Variants in STIM1 observed in about 807,000 individuals in gnomAD.
STIM1 encodes the protein stromal interaction molecule 1.
In STIM1, 25 loss-of-function variants were observed where a neutral mutation model predicts 74.7. The ratio of observed to expected loss-of-function variants is 0.33; its 90% CI spans 0.24 to 0.47. STIM1 has a LOEUF of 0.47. Among genes scored for constraint, STIM1 ranks in the 20% least tolerant of loss-of-function variants. The pLI is 1.00. For missense variants in STIM1, 728 were observed against 920.8 expected (o/e 0.79, Z 2.71); for synonymous variants, 328 against 348.8 (o/e 0.94, Z 0.66).
chr11:4,066,153 C>G (rs1442544010), intron 5 of STIM1, among the ~76,000 whole-genome samples: 1 of 152,186 alleles, frequency 6.6e-6, no homozygotes, highest in Non-Finnish European at 1.5e-5. Context: ...CTGCCATCCT[C>G]TGGTTCCCCC....
chr11:4,006,757 G>T (rs1429857646), intron 2 of STIM1, among the ~76,000 whole-genome samples: 1 of 152,128 alleles, frequency 6.6e-6, no homozygotes, highest in South Asian at 2.1e-4. Flanking sequence ...CTAATGTAGG[G>T]TTCTAAATAT....
chr11:4,001,727 C>T (rs2093719512), intron 2 of STIM1, among the ~76,000 whole-genome samples: 1 of 151,312 alleles, frequency 6.6e-6, no homozygotes, highest in South Asian at 2.1e-4. Flanking sequence ...ATCAAATTCA[C>T]ACATAACAAT....
Position 4,082,205 on chromosome 11 carries a change from G to A in STIM1, c.991G>A (p.Ala331Thr). The change falls in exon 8 of 13, where the codon GCA (alanine) becomes ACA (threonine). Residue 331 changes from alanine to threonine, a missense_variant. Coordinates refer to ENST00000526596, the MANE Select transcript of STIM1 (RefSeq NM_001382567.1). The stretch of plus-strand genomic sequence containing the variant: ...CTAGGTTCGGGAGGCCTTGAGGAAA[G>A]CAGAGAAGGAGCTAGAATCTCACAG... ...LEQVREALRK[A>T]EKELESHSSW... 6.2e-7 allele frequency: 1 copy of A among 1,614,104 alleles called. No homozygotes were observed. The highest frequency in any genetic ancestry group is 8.5e-7 in the Non-Finnish European group (1 of 1,180,038).
chr11:3,899,105 G>C (rs2092274303), intron 1 of STIM1, among the ~76,000 whole-genome samples: 1 of 152,152 alleles, frequency 6.6e-6, no homozygotes, highest in Non-Finnish European at 1.5e-5. Context: ...ATTACCTTGG[G>C]CAGCATGGCC....
chr11:3,937,539 A>C (rs2092949871), intron 1 of STIM1, among the ~76,000 whole-genome samples: 1 of 152,158 alleles, frequency 6.6e-6, no homozygotes, highest in African/African-American at 2.4e-5. Context: ...ATGGCTTTTA[A>C]AAATGGATCT....
chr11:4,031,591 A>T (rs1342861113), intron 3 of STIM1, among the ~76,000 whole-genome samples: 1 of 152,192 alleles, frequency 6.6e-6, no homozygotes, highest in African/African-American at 2.4e-5. Flanking sequence ...CTGATAGTAT[A>T]ATGATCGTGG....
At chr11:3,943,069 G>A (rs1001549783) in intron 1 of STIM1, among the ~76,000 whole-genome samples, 3 of 152,202 alleles carry the variant, frequency 2.0e-5, no homozygotes, top group Admixed American at 2.0e-4. Context: ...TCTGCTAGGA[G>A]CCTGGGACCC....
intron 1 of STIM1, among the ~76,000 whole-genome samples, chr11:3,938,567 G>T (rs1360033710): frequency 2.0e-5 from 3 of 152,098 alleles, no homozygotes; most frequent in Non-Finnish European, 1.5e-5. Context: ...ACAGTTTAAG[G>T]CTGGGCACAT....
intron 1 of STIM1, among the ~76,000 whole-genome samples, chr11:3,871,004 C>G (rs941532543): frequency 2.6e-5 from 4 of 151,462 alleles, no homozygotes; most frequent in African/African-American, 9.7e-5. Flanking sequence ...TCCCAAGTAG[C>G]TGGGATTACA....
rs55792544 is a variant in STIM1 at position 3,875,725 on chromosome 11, C to CA, written c.139+19329dup. 6.4e-3 allele frequency among the ~76,000 whole-genome samples: 881 copies of CA among 137,368 alleles called. 3 individuals carry two copies. The highest frequency in any genetic ancestry group is 0.015 in the Middle Eastern group (4 of 268). 90.1% of individuals were successfully genotyped at this position (137,368 alleles called of 152,430 possible). A position where few individuals can be genotyped will look rare whatever the true frequency, so the allele number is the denominator to read the frequency against. On this transcript the variant is annotated intron_variant, in intron 1 of 12. Transcript: ENST00000526596. ...TGGGTGACAAAGTGAGACCCTGTCTCAAAAAAAAAAAAACCCCTAAAAACA... is the reference window on the plus strand; with the variant it reads ...TGGGTGACAAAGTGAGACCCTGTCTCAAAAAAAAAAAAAACCCCTAAAAACA...
intron 2 of STIM1, among the ~76,000 whole-genome samples, chr11:3,968,764 C>A (rs139995741): frequency 6.8e-4 from 104 of 152,286 alleles, no homozygotes; most frequent in African/African-American, 2.4e-3. Flanking sequence ...AGAAGTAAAT[C>A]AATCAGACTT....
rs1476169743 is a variant in STIM1 at position 4,002,801 on chromosome 11, C to T, written c.271-21072C>T. Among the ~76,000 whole-genome samples, 912 of 147,956 alleles carry T rather than the reference C, an allele frequency of 6.2e-3. 4 individuals carry two copies. The highest frequency in any genetic ancestry group is 0.022 in the African/African-American group (862 of 39,858). On this transcript the variant is annotated intron_variant, in intron 2 of 12. Coordinates refer to ENST00000526596, the MANE Select transcript of STIM1 (RefSeq NM_001382567.1). Reference sequence around the variant, plus strand: ...TCAAAAAATTAATGAATCCAGGAGCCGGTTTTTTGAAAGGATCAACAAAAT... The same window carrying T: ...TCAAAAAATTAATGAATCCAGGAGCTGGTTTTTTGAAAGGATCAACAAAAT...
At chr11:3,936,040 T>C (rs941062736) in intron 1 of STIM1, among the ~76,000 whole-genome samples, 1 of 152,206 alleles carries the variant, frequency 6.6e-6, no homozygotes, top group Non-Finnish European at 1.5e-5. Flanking sequence ...AATATACTCA[T>C]TTTAAGTGCT....
rs560980807 is a variant in STIM1 at position 4,007,010 on chromosome 11, A to G, written c.271-16863A>G. Among the ~76,000 whole-genome samples the G allele has an allele frequency of 1.7e-4, 26 of 152,238 alleles. 1 individual carries two copies. The highest frequency in any genetic ancestry group is 5.5e-4 in the African/African-American group (23 of 41,548). The stretch of plus-strand genomic sequence containing the variant: ...CTGGTGGATCAAGCTGGCTGGGCCT[A>G]TTTTGTAGAAATTATAGAGAGATGT... On this transcript the variant is annotated intron_variant, in intron 2 of 12. Transcript: ENST00000526596.
intron 1 of STIM1, among the ~76,000 whole-genome samples, chr11:3,861,595 G>A (rs2135209309): frequency 6.6e-6 from 1 of 152,266 alleles, no homozygotes; most frequent in Admixed American, 6.5e-5. Context: ...GATATCTGTA[G>A]CAATGTAATG....
chr11:3,914,597 A>G (rs2092615098), intron 1 of STIM1, among the ~76,000 whole-genome samples: 1 of 152,096 alleles, frequency 6.6e-6, no homozygotes, highest in South Asian at 2.1e-4. Flanking sequence ...GTGCACCGCC[A>G]CGCCCGGCTG....
intron 3 of STIM1, among the ~76,000 whole-genome samples, chr11:4,026,068 G>C (rs2093995819): frequency 6.6e-6 from 1 of 152,120 alleles, no homozygotes; most frequent in Non-Finnish European, 1.5e-5. Flanking sequence ...AATCTCTCCG[G>C]AGTGATGATT....
At chr11:4,041,351 G>A (rs1000084105) in intron 3 of STIM1, among the ~76,000 whole-genome samples, 1 of 152,140 alleles carries the variant, frequency 6.6e-6, no homozygotes, top group African/African-American at 2.4e-5. Context: ...ACCTGCTAGA[G>A]TAGAAGCCAA....
chr11:3,901,606 C>T (rs974045300), intron 1 of STIM1, among the ~76,000 whole-genome samples: 1 of 152,212 alleles, frequency 6.6e-6, no homozygotes, highest in Non-Finnish European at 1.5e-5. Context: ...TTTGTGTTCA[C>T]AATAGCTCTA....
Sources: allele counts gnomAD v4.1 joint callset (sites outside exome capture counted in the v4.1 genomes callset), GRCh38; gene constraint gnomAD v4.1.1; transcripts MANE v1.5; gene names NCBI Gene and HGNC (gene_info 2026-07-23, HGNC 2026-07-21).